Variants in PIGG observed in about 807,000 individuals in gnomAD.
PIGG encodes GPI ethanolamine phosphate transferase 2, catalytic subunit.
PIGG carries 70 observed loss-of-function variants against 83.2 expected under a neutral mutation model. That is an observed-to-expected ratio of 0.84 (90% CI 0.69 to 1.03). PIGG has a LOEUF of 1.03. Ranked by LOEUF, PIGG falls within the 50% of genes least tolerant of loss-of-function variation. PIGG has a pLI of 0.00. For synonymous variants in PIGG, 532 were observed against 519.5 expected, an observed-to-expected ratio of 1.02 and a Z score of -0.33; for missense variants, 1,257 against 1,233.6, an observed-to-expected ratio of 1.02 and a Z score of -0.28.
chr4:526,967 A>G (rs1396279803), intron 9 of PIGG, 72 bp from the exon 10 acceptor site: 12 of 1,543,618 alleles, frequency 7.8e-6, no homozygotes, highest in Non-Finnish European at 8.8e-6. Context: ...CCGTTCTTTG[A>G]AAGCCACTTG....
At chr4:512,400 A>G (rs1453361121) in intron 5 of PIGG, among the ~76,000 whole-genome samples, 6 of 151,550 alleles carry the variant, frequency 4.0e-5, no homozygotes, top group Non-Finnish European at 7.4e-5. Flanking sequence ...TATTTTTAGT[A>G]GAGACAGGGT....
chr4:520,059 C>T (rs1403787633), intron 6 of PIGG, among the ~76,000 whole-genome samples: 2 of 152,048 alleles, frequency 1.3e-5, no homozygotes, highest in Non-Finnish European at 2.9e-5. Flanking sequence ...AGTTCATGCT[C>T]AGGGACTTGT....
intron 5 of PIGG, among the ~76,000 whole-genome samples, chr4:514,006 G>C (rs942679911): frequency 6.6e-6 from 1 of 152,170 alleles, no homozygotes; most frequent in Admixed American, 6.5e-5. Flanking sequence ...AGGTAATGCA[G>C]ACTCTCTGCC....
At chr4:521,338 A>AAAAC in intron 7 of PIGG, 65 bp downstream of exon 7, 2 of 973,174 alleles carry the variant, frequency 2.1e-6, no homozygotes, top group Non-Finnish European at 3.1e-6. Context: ...CCAAATATTT[A>AAAAC]TAGTTTTAAA....
chr4:525,156 C>G (rs1336213388), intron 9 of PIGG: 4 of 980,552 alleles, frequency 4.1e-6, no homozygotes, highest in Non-Finnish European at 4.8e-6. Context: ...CCTTTTCTCT[C>G]TCCTCATCCT....
At position 530,763 on chromosome 4, in the gene PIGG, T is replaced by C; in HGVS notation, c.2571+18T>C. Reference sequence around the variant, plus strand: ...ATTTTCAGGTAGGTTTTCATTATTATCATGGGTAGTAGACTTCATGTTTTA... The same window carrying C: ...ATTTTCAGGTAGGTTTTCATTATTACCATGGGTAGTAGACTTCATGTTTTA... On this transcript the variant is annotated intron_variant, in intron 11 of 12. Coordinates refer to ENST00000453061, the MANE Select transcript of PIGG (RefSeq NM_001127178.3). The C allele has an allele frequency of 6.7e-7, 1 of 1,487,488 alleles. No homozygotes were observed. Among genetic ancestry groups the C allele is most frequent in the Non-Finnish European group, 9.3e-7 (1 of 1,069,600 alleles). 92.1% of individuals were successfully genotyped at this position (1,487,488 alleles called of 1,614,324 possible). A position where few individuals can be genotyped will look rare whatever the true frequency, so the allele number is the denominator to read the frequency against.
chr4:519,974 GTGTGC>G (rs1725263490), intron 6 of PIGG, among the ~76,000 whole-genome samples: 1 of 150,248 alleles, frequency 6.7e-6, no homozygotes, highest in Non-Finnish European at 1.5e-5. Flanking sequence ...CAGCAGTCGG[GTGTGC>G]TTGCAGGCGT....
At chr4:532,893 A>ATG (rs1729407025) in intron 11 of PIGG, 2 of 147,770 alleles carry the variant, frequency 1.4e-5, no homozygotes, top group African/African-American at 5.2e-5. Context: ...GCCTGGGAGC[A>ATG]GAGAGGAGGG....
chr4:527,020 A>AT lies in PIGG; in HGVS notation c.2070-15dup. ...CGCTGTTTGTTTACGTAATGCTGGC[A>AT]TTTTCCATCTCATTTCAGCTCTGAC... On this transcript the variant is annotated intron_variant, in intron 9 of 12. Coordinates refer to ENST00000453061, the MANE Select transcript of PIGG (RefSeq NM_001127178.3). 2 of 1,613,942 alleles carry AT rather than the reference A, an allele frequency of 1.2e-6. No homozygotes were observed. The highest frequency in any genetic ancestry group is 2.2e-5 in the South Asian group (2 of 91,066).
At chr4:525,050 G>A (rs1015255374) in intron 9 of PIGG, 1 of 225,554 alleles carries the variant, frequency 4.4e-6, no homozygotes, top group African/African-American at 2.3e-5. Flanking sequence ...ATGATCCCCA[G>A]GGCAGCAAGA....
chr4:518,997 T>C (rs1160694039), intron 6 of PIGG, among the ~76,000 whole-genome samples: 1 of 152,160 alleles, frequency 6.6e-6, no homozygotes, highest in African/African-American at 2.4e-5. Flanking sequence ...TCCCATCAGC[T>C]TGATGCTCTT....
intron 3 of PIGG, chr4:506,679 AG>A: frequency 2.3e-6 from 1 of 427,192 alleles, no homozygotes; most frequent in Non-Finnish European, 4.9e-6. Context: ...GAGCTAGCTG[AG>A]GGGTCAGGGC....
chr4:520,042 G>T (rs965646861), intron 6 of PIGG, among the ~76,000 whole-genome samples: 19 of 152,204 alleles, frequency 1.2e-4, no homozygotes, highest in Admixed American at 1.2e-3. Context: ...GGGCCTGCAG[G>T]CGTATGAGTT....
rs1728310747 is a variant in PIGG at position 528,690 on chromosome 4, G to A, written c.2261+1460G>A. 1 of 985,352 alleles carries A rather than the reference G, an allele frequency of 1.0e-6. No homozygotes were observed. Among genetic ancestry groups the A allele is most frequent in the East Asian group, 1.1e-4 (1 of 8,818 alleles). The allele number at this position is 985,352 out of a possible 1,614,324, so 61.0% of individuals were successfully genotyped here. The stretch of plus-strand genomic sequence containing the variant: ...ACATTTGCGGGTGTGTGTTTAAGGT[G>A]CAGCGTATGAATAAATTCATTTCCT... On this transcript the variant is annotated intron_variant, in intron 10 of 12. Coordinates refer to ENST00000453061, the MANE Select transcript of PIGG (RefSeq NM_001127178.3). The surrounding 1 kb of genome is among the most constrained non-coding windows in gnomAD (Gnocchi z 4.8).
rs778881472 is a variant in PIGG at position 530,769 on chromosome 4, G to A, written c.2571+24G>A. 2.8e-6 allele frequency: 4 copies of A among 1,406,704 alleles called. No individual in the cohort carries two copies. The African/African-American group carries it at 4.3e-5, about 15-fold the overall frequency. The allele number at this position is 1,406,704 out of a possible 1,614,324, so 87.1% of individuals were successfully genotyped here. On this transcript the variant is annotated intron_variant, in intron 11 of 12. Transcript: ENST00000453061. ...AGGTAGGTTTTCATTATTATCATGG[G>A]TAGTAGACTTCATGTTTTACATATT...
chr4:519,988 G>A (rs950495312), intron 6 of PIGG, among the ~76,000 whole-genome samples: 31 of 150,886 alleles, frequency 2.1e-4, no homozygotes, highest in African/African-American at 7.1e-4. Flanking sequence ...GCTTGCAGGC[G>A]TGTGGGTTCA....
At chr4:537,553 C>T (rs892461250) in intron 12 of PIGG, among the ~76,000 whole-genome samples, 1 of 152,160 alleles carries the variant, frequency 6.6e-6, no homozygotes, top group African/African-American at 2.4e-5. Context: ...TTGGGGTCCA[C>T]CTCCCTGTGG....
chr4:500,951 A>C (rs1560265564), intron 2 of PIGG: 3 of 383,988 alleles, frequency 7.8e-6, no homozygotes, highest in Admixed American at 7.6e-5. Flanking sequence ...TTTAGAGTTA[A>C]TCTAGTTCAG....
At chr4:502,639 G>A (rs1718159531) in intron 2 of PIGG, among the ~76,000 whole-genome samples, 1 of 152,090 alleles carries the variant, frequency 6.6e-6, no homozygotes, top group Admixed American at 6.5e-5. Context: ...TGACAGACCT[G>A]AGCTTTCCCT....
Sources: gnomAD v4.1 joint callset for allele counts (sites outside exome capture counted in the v4.1 genomes callset) on GRCh38, gnomAD v4.1.1 for gene constraint, Gnocchi (gnomAD v3.1) non-coding constraint, MANE v1.5 for transcripts, NCBI Gene and HGNC (gene_info 2026-07-23, HGNC 2026-07-21) for gene names.